SPATS2: variants seen among roughly 807,000 people sequenced by gnomAD.
SPATS2 encodes the protein spermatogenesis-associated serine-rich protein 2.
A neutral mutation model predicts 63.7 loss-of-function variants in SPATS2; 38 were observed. The ratio of observed to expected loss-of-function variants is 0.60; its 90% CI spans 0.46 to 0.78. SPATS2 has a LOEUF of 0.78. SPATS2 is among the 30% of genes least tolerant of loss of function. The probability of loss-of-function intolerance (pLI) is 0.00; values close to 1 mark genes in which losing one functional copy is unlikely to be tolerated. For missense variants in SPATS2, 588 were observed against 666.2 expected, an observed-to-expected ratio of 0.88 and a Z score of 1.29; for synonymous variants, 207 against 232.9, an observed-to-expected ratio of 0.89 and a Z score of 1.01.
intron 2 of SPATS2, among the ~76,000 whole-genome samples, chr12:49,372,940 T>TTGTGTGTGTGTGTGTGTG (rs56940721): frequency 7.7e-6 from 1 of 130,050 alleles, no homozygotes; most frequent in Non-Finnish European, 1.6e-5. Flanking sequence ...ATTTTCTGTT[T>TTGTGTGTGTGTGTGTGTG]TGTGTGTGTG....
At chr12:49,458,134 G>A (rs1363513067) in intron 2 of SPATS2, among the ~76,000 whole-genome samples, 2 of 151,888 alleles carry the variant, frequency 1.3e-5, no homozygotes, top group Non-Finnish European at 2.9e-5. Context: ...TTCCAGTCAG[G>A]TGCCCAGGTA....
chr12:49,394,072 G>T lies in SPATS2; in HGVS notation c.-244+22782G>T, dbSNP rs542556835. Among the ~76,000 whole-genome samples the T allele has an allele frequency of 3.1e-3, 478 of 152,186 alleles. 1 individual carries two copies. The highest frequency in any genetic ancestry group is 0.011 in the African/African-American group (440 of 41,522). On this transcript the variant is annotated intron_variant, in intron 2 of 13. Coordinates refer to ENST00000552918, the MANE Select transcript of SPATS2 (RefSeq NM_023071.4). ...TTTTAGAACTAGTTTGCTGGGCTGG[G>T]AGTGGTGGCCCACACCTGTAATCCC... is the stretch of plus-strand genomic sequence containing the variant.
At chr12:49,371,179 G>C (rs1180128946) in intron 1 of SPATS2, 49 bp from the exon 2 acceptor site, 2 of 152,160 alleles carry the variant, frequency 1.3e-5, no homozygotes. Context: ...CCAGACTGAA[G>C]CTCTATATCT....
chr12:49,429,563 A>C (rs1361719530), intron 2 of SPATS2, among the ~76,000 whole-genome samples: 1 of 152,032 alleles, frequency 6.6e-6, no homozygotes, highest in African/African-American at 2.4e-5. Context: ...CTCCTGCCTC[A>C]GCCTCCTGAG....
chr12:49,519,030 A>C, intron 10 of SPATS2, 43 bp from the exon 11 acceptor site: 1 of 1,515,924 alleles, frequency 6.6e-7, no homozygotes, highest in South Asian at 1.2e-5. Context: ...TCTTTATCCT[A>C]TTTAGCAGCA....
At chr12:49,451,515 A>C (rs545510127) in intron 2 of SPATS2, among the ~76,000 whole-genome samples, 1 of 152,304 alleles carries the variant, frequency 6.6e-6, no homozygotes, top group South Asian at 2.1e-4. Context: ...TAATTAGTTG[A>C]ATTCTTTTTA....
chr12:49,516,430 G>A (rs564474290), intron 10 of SPATS2, among the ~76,000 whole-genome samples: 55 of 151,206 alleles, frequency 3.6e-4, no homozygotes, highest in African/African-American at 1.1e-3. Context: ...AATTTTGGCC[G>A]GGTGCAGTGG....
At chr12:49,487,828 CA>C (rs1229326375) in intron 4 of SPATS2, among the ~76,000 whole-genome samples, 1 of 152,130 alleles carries the variant, frequency 6.6e-6, no homozygotes, top group Non-Finnish European at 1.5e-5. Flanking sequence ...CTCCTGAGAT[CA>C]AAGGATCCTC....
intron 7 of SPATS2, among the ~76,000 whole-genome samples, chr12:49,495,255 G>A (rs907032905): frequency 3.9e-5 from 6 of 151,928 alleles, no homozygotes; most frequent in Non-Finnish European, 5.9e-5. Flanking sequence ...GTGCAGTGGC[G>A]TGATTTCAGC....
intron 10 of SPATS2, among the ~76,000 whole-genome samples, chr12:49,516,848 C>T (rs1237173609): frequency 1.3e-5 from 2 of 152,156 alleles, no homozygotes; most frequent in Admixed American, 6.5e-5. Flanking sequence ...TTTTACTTAA[C>T]TTCATCAGTT....
intron 2 of SPATS2, among the ~76,000 whole-genome samples, chr12:49,419,263 A>C (rs1396394445): frequency 6.6e-6 from 1 of 152,250 alleles, no homozygotes; most frequent in Non-Finnish European, 1.5e-5. Flanking sequence ...GCATGGATTT[A>C]TGAATGACAT....
At chr12:49,390,204 G>C (rs1337588285) in intron 2 of SPATS2, 2 of 1,209,542 alleles carry the variant, frequency 1.7e-6, no homozygotes, top group African/African-American at 3.1e-5. Flanking sequence ...ATGGCTCCCA[G>C]TGGTCAAATA....
chr12:49,385,839 TTTTGTTTGTTTG>T (rs576472782), intron 2 of SPATS2, among the ~76,000 whole-genome samples: 5 of 147,498 alleles, frequency 3.4e-5, no homozygotes, highest in East Asian at 1.9e-4. Flanking sequence ...TTTTTTTGTT[TTTTGTTTGTTTG>T]TTTGTTTGTT....
At chr12:49,410,445 G>T (rs1417246593) in intron 2 of SPATS2, among the ~76,000 whole-genome samples, 2 of 152,144 alleles carry the variant, frequency 1.3e-5, no homozygotes, top group African/African-American at 4.8e-5. Flanking sequence ...TAGCCACTTT[G>T]TTAGGCACTG....
At chr12:49,437,044 C>T (rs1266509553) in intron 2 of SPATS2, among the ~76,000 whole-genome samples, 6 of 151,942 alleles carry the variant, frequency 3.9e-5, no homozygotes, top group South Asian at 4.2e-4. Context: ...GGGTGGCTGC[C>T]GGGTGGAGAC....
intron 2 of SPATS2, among the ~76,000 whole-genome samples, chr12:49,395,550 G>A (rs556741105): frequency 2.0e-5 from 3 of 150,676 alleles, no homozygotes; most frequent in South Asian, 2.1e-4. Context: ...TCAGCCTCCC[G>A]AGTAGCTGGG....
At chr12:49,515,866 G>A (rs1946829622) in intron 10 of SPATS2, among the ~76,000 whole-genome samples, 1 of 151,862 alleles carries the variant, frequency 6.6e-6, no homozygotes, top group Non-Finnish European at 1.5e-5. Flanking sequence ...ATAAGGCTGG[G>A]CGCAGTGGCT....
At chr12:49,396,412 GGTTT>G in intron 2 of SPATS2, among the ~76,000 whole-genome samples, 1 of 152,232 alleles carries the variant, frequency 6.6e-6, no homozygotes, top group South Asian at 2.1e-4. Flanking sequence ...CCTCGTGGGA[GGTTT>G]GTTTCTCTGT....
At chr12:49,386,842 A>G (rs1201160332) in intron 2 of SPATS2, among the ~76,000 whole-genome samples, 2 of 152,152 alleles carry the variant, frequency 1.3e-5, no homozygotes, top group Non-Finnish European at 2.9e-5. Flanking sequence ...TTGTGAAAGC[A>G]TGATCATGGG....
Sources: allele counts gnomAD v4.1 joint callset (sites outside exome capture counted in the v4.1 genomes callset), GRCh38; gene constraint gnomAD v4.1.1; transcripts MANE v1.5; gene names NCBI Gene and HGNC (gene_info 2026-07-23, HGNC 2026-07-21).